METTL5: variants seen among roughly 807,000 people sequenced by gnomAD.
METTL5 encodes the protein rRNA N(6)-adenosine-methyltransferase METTL5.
In METTL5, 28 loss-of-function variants were observed where a neutral mutation model predicts 26.5. The ratio of observed to expected loss-of-function variants is 1.06; its 90% CI spans 0.78 to 1.45. The LOEUF is 1.45. Ranked by LOEUF, METTL5 falls within the 40% of genes most tolerant of loss-of-function variation. The probability of loss-of-function intolerance (pLI) is 0.00; values close to 1 mark genes in which losing one functional copy is unlikely to be tolerated. For missense variants in METTL5, 231 were observed against 249.9 expected (o/e 0.92, Z 0.51); for synonymous variants, 86 against 82.6 (o/e 1.04, Z -0.22).
chr2:169,823,012 G>T (rs2081605514), intron 1 of METTL5, among the ~76,000 whole-genome samples: 1 of 151,930 alleles, frequency 6.6e-6, no homozygotes, highest in Non-Finnish European at 1.5e-5. Context: ...CAGAGACAGG[G>T]TCTATCTCTA....
At chr2:169,821,345 G>GCTT in intron 2 of METTL5, 72 bp from the exon 3 acceptor site, 1 of 836,702 alleles carries the variant, frequency 1.2e-6, no homozygotes, top group Non-Finnish European at 1.8e-6. Flanking sequence ...AAAATTAGCT[G>GCTT]TTTTTTTTTT....
Position 169,819,664 on chromosome 2 carries a change from G to C in METTL5, c.407-21C>G, listed in dbSNP as rs753974177. 2.5e-5 allele frequency: 39 copies of C among 1,550,510 alleles called. No homozygotes were observed. The East Asian group carries it at 8.6e-4, about 34-fold the overall frequency. On this transcript the variant is annotated intron_variant, in intron 3 of 6. Transcript: ENST00000260953. ...TGTCCCTGTGAAGAGTAGAAAAAAA[G>C]CTCCTATTTACCTCTTCTCAAAACA... is the stretch of plus-strand genomic sequence containing the variant.
At chr2:169,815,390 GT>G (rs2081491443) in intron 5 of METTL5, 86 bp downstream of exon 5, 1 of 901,002 alleles carries the variant, frequency 1.1e-6, no homozygotes. Context: ...GTAAAGCATA[GT>G]TTATCTTCTC....
At chr2:169,811,931 AT>A in intron 6 of METTL5, 73 bp from the exon 7 acceptor site, 1 of 1,506,238 alleles carries the variant, frequency 6.6e-7, no homozygotes, top group East Asian at 2.3e-5. Flanking sequence ...CTTTGAATGT[AT>A]TGTTCTGTTT....
Position 169,819,637 on chromosome 2 carries a change from T to C in METTL5, c.413A>G (p.Asp138Gly). 1 of 1,611,878 alleles carries C rather than the reference T, an allele frequency of 6.2e-7. No individual in the cohort carries two copies. Among genetic ancestry groups the C allele is most frequent in the East Asian group, 2.2e-5 (1 of 44,752 alleles). Reference protein sequence around the residue: ...PFGTKNNKGTDMAFLKTALEM... With the variant: ...PFGTKNNKGTGMAFLKTALEM... Reference sequence around the variant, plus strand: ...CAAAGCAGTCTTTAGAAAAGCCATATCTGTCCCTGTGAAGAGTAGAAAAAA... The same window carrying C: ...CAAAGCAGTCTTTAGAAAAGCCATACCTGTCCCTGTGAAGAGTAGAAAAAA... Residue 138 changes from aspartate (D) to glycine (G), a missense_variant, in exon 4 of 7, where the codon GAT becomes GGT. Asp to Gly is a moderately conservative substitution (Grantham distance 94). Transcript: ENST00000260953.
chr2:169,819,672 T>C (rs1470291718), intron 3 of METTL5, 29 bp from the exon 4 acceptor site: 2 of 1,469,080 alleles, frequency 1.4e-6, no homozygotes, highest in Non-Finnish European at 1.9e-6. Context: ...AAGCTCCTAT[T>C]TACCTCTTCT....
At chr2:169,816,149 A>G (rs902425817) in intron 4 of METTL5, among the ~76,000 whole-genome samples, 11 of 152,224 alleles carry the variant, frequency 7.2e-5, no homozygotes, top group African/African-American at 2.4e-4. Flanking sequence ...ATGTTCTCAT[A>G]TGGTTTCTGT....
chr2:169,811,881 T>G (rs1380871851), intron 6 of METTL5, 23 bp from the exon 7 acceptor site: 1 of 1,612,068 alleles, frequency 6.2e-7, no homozygotes, highest in Admixed American at 1.7e-5. Flanking sequence ...AAAAATTTTT[T>G]TGTTGTTTAA....
chr2:169,821,257 C>G lies in METTL5; in HGVS notation c.241G>C (p.Asp81His). The stretch of plus-strand genomic sequence containing the variant: ...ATTTCCAATGCGTCTTCATCTATGT[C>G]AAATCCAACACACAACCTATAAATA... The part of the protein sequence containing the change: ...MLGAGLCVGF[D>H]IDEDALEIFN... Residue 81 changes from aspartate to histidine, a missense_variant, in exon 3 of 7, where the codon GAC (aspartate) becomes CAC (histidine). Transcript: ENST00000260953. 1 of 1,606,796 alleles carries G rather than the reference C, an allele frequency of 6.2e-7. No individual in the cohort carries two copies.
At position 169,821,996 on chromosome 2, in the gene METTL5, A is replaced by G. The variant is rs985085666; in HGVS notation, c.171T>C (p.Asp57=). The G allele has an allele frequency of 2.5e-6, 4 of 1,613,574 alleles. No homozygotes were observed. Among genetic ancestry groups the G allele is most frequent in the Non-Finnish European group, 3.4e-6 (4 of 1,179,984 alleles). ...TAAGTACTCCACAACCACATCCTAG[A>G]TCTGCAACGACTTTATTTTCAATGT... The part of the protein sequence containing the change: ...YDDIENKVVA[D]LGCGCGVLSI... The change falls in exon 2 of 7, where the codon GAT becomes GAC. Residue 57 remains aspartate, a synonymous_variant. Transcript: ENST00000260953.
In METTL5 at chr2:169,811,780, A is replaced by C. The variant is rs1316070955; in HGVS notation, c.*40T>G. 6.2e-7 allele frequency: 1 copy of C among 1,613,272 alleles called. No homozygotes were observed. Among genetic ancestry groups the C allele is most frequent in the Non-Finnish European group, 8.5e-7 (1 of 1,179,708 alleles). On this transcript the variant is annotated 3_prime_UTR_variant, in exon 7 of 7. Transcript: ENST00000260953. ...AGTTTAGTAAACCAATTTTTTATTC[A>C]TTTTAAATAGGTTTTAAACGACTTT...
chr2:169,812,674 G>T, intron 5 of METTL5, 168 bp from the exon 6 acceptor site: 1 of 650,656 alleles, frequency 1.5e-6, no homozygotes, highest in Non-Finnish European at 2.5e-6. Context: ...CCTAGCATTA[G>T]CCATGGCAGC....
chr2:169,821,759 C>G (rs888347004), intron 2 of METTL5, among the ~76,000 whole-genome samples, 184 bp downstream of exon 2: 3 of 152,142 alleles, frequency 2.0e-5, no homozygotes, highest in Non-Finnish European at 2.9e-5. Flanking sequence ...CTGCTGCTTT[C>G]ACCATTTTTA....
rs779806055 is a variant in METTL5 at position 169,822,076 on chromosome 2, AAG to A, written c.110-21_110-20del. 5.7e-6 allele frequency: 9 copies of A among 1,579,374 alleles called. No individual in the cohort carries two copies. The highest frequency in any genetic ancestry group is 2.8e-5 in the African/African-American group (2 of 72,684). ...ATACATGCTAAAAAATAAAAAAAAAAAGAATAAGTAAGCAAGCCGGTGACTAA... is the reference window on the plus strand; with the variant it reads ...ATACATGCTAAAAAATAAAAAAAAAAAATAAGTAAGCAAGCCGGTGACTAA... On this transcript the variant is annotated intron_variant, in intron 1 of 6. Coordinates refer to ENST00000260953, the MANE Select transcript of METTL5 (RefSeq NM_014168.4).
At chr2:169,813,437 T>C (rs998809282) in intron 5 of METTL5, among the ~76,000 whole-genome samples, 2 of 151,804 alleles carry the variant, frequency 1.3e-5, no homozygotes, top group African/African-American at 4.8e-5. Context: ...CCTGAAATTC[T>C]TTATTTCTAA....
intron 2 of METTL5, among the ~76,000 whole-genome samples, 180 bp downstream of exon 2, chr2:169,821,763 A>G (rs559608818): frequency 3.3e-4 from 51 of 152,280 alleles, no homozygotes; most frequent in African/African-American, 1.2e-3. Flanking sequence ...TGCTTTCACC[A>G]TTTTTATTTA....
intron 1 of METTL5, 23 bp from the exon 2 acceptor site, chr2:169,822,080 ATAAG>A (rs137986141): frequency 0.047 from 73,699 of 1,578,680 alleles, 2,017 homozygotes; most frequent in East Asian, 0.11. Context: ...AAAAAAAAGA[ATAAG>A]TAAGCAAGCC....
At chr2:169,821,023 C>T in intron 3 of METTL5, 69 bp downstream of exon 3, 1 of 1,332,542 alleles carries the variant, frequency 7.5e-7, no homozygotes. Flanking sequence ...AGCCACTGCG[C>T]CTGGCCTTAA....
At chr2:169,822,573 G>A (rs953802217) in intron 1 of METTL5, among the ~76,000 whole-genome samples, 3 of 151,958 alleles carry the variant, frequency 2.0e-5, no homozygotes, top group African/African-American at 7.3e-5. Context: ...ACAAGCATTA[G>A]CATCACAAAG....
Sources: gnomAD v4.1 joint callset for allele counts (sites outside exome capture counted in the v4.1 genomes callset) on GRCh38, gnomAD v4.1.1 for gene constraint, MANE v1.5 for transcripts, NCBI Gene and HGNC (gene_info 2026-07-23, HGNC 2026-07-21) for gene names.